DGLUCY: variants seen among roughly 807,000 people sequenced by gnomAD.
DGLUCY encodes D-glutamate cyclase, also known as D-glutamate cyclase, mitochondrial.
In DGLUCY, 58 loss-of-function variants were observed where a neutral mutation model predicts 58.5. The ratio of observed to expected loss-of-function variants is 0.99; its 90% CI spans 0.80 to 1.23. The LOEUF is 1.23. DGLUCY is among the 50% of genes most tolerant of loss of function. The pLI is 0.00. For synonymous variants in DGLUCY, 325 were observed against 314.1 expected, an observed-to-expected ratio of 1.03 and a Z score of -0.37; for missense variants, 779 against 784.7, an observed-to-expected ratio of 0.99 and a Z score of 0.09.
At chr14:91,127,462 C>T (rs1595701583) in intron 1 of DGLUCY, among the ~76,000 whole-genome samples, 2 of 152,270 alleles carry the variant, frequency 1.3e-5, no homozygotes, top group African/African-American at 2.4e-5. Context: ...GCCCCCTCTA[C>T]ACCCCGTTCT....
intron 3 of DGLUCY, among the ~76,000 whole-genome samples, chr14:91,165,589 C>G (rs1213355771): frequency 6.6e-6 from 1 of 152,118 alleles, no homozygotes; most frequent in African/African-American, 2.4e-5. Context: ...ATCTGCCCCC[C>G]AAAAAGATAC....
At chr14:91,173,261 C>T in intron 5 of DGLUCY, 28 bp from the exon 6 acceptor site, 2 of 1,602,726 alleles carry the variant, frequency 1.2e-6, no homozygotes, top group East Asian at 4.5e-5. Context: ...TTAACATTTT[C>T]ACTTGATTTT....
At chr14:91,074,118 T>TACACACACACACACACAC (rs3086753) in intron 1 of DGLUCY, among the ~76,000 whole-genome samples, 80 of 70,322 alleles carry the variant, frequency 1.1e-3, no homozygotes, top group South Asian at 2.8e-3. Context: ...TATATATATA[T>TACACACACACACACACAC]ACACACACAC....
chr14:91,209,049 C>T (rs942984035), intron 12 of DGLUCY, among the ~76,000 whole-genome samples: 3 of 152,140 alleles, frequency 2.0e-5, no homozygotes, highest in Non-Finnish European at 4.4e-5. Context: ...CGCAGTGGCT[C>T]ACACCTGTAA....
At chr14:91,168,167 G>A (rs1261346931) in intron 4 of DGLUCY, among the ~76,000 whole-genome samples, 1 of 152,090 alleles carries the variant, frequency 6.6e-6, no homozygotes, top group East Asian at 1.9e-4. Flanking sequence ...CTACTCGGGA[G>A]GCTGAGGAGG....
intron 1 of DGLUCY, among the ~76,000 whole-genome samples, chr14:91,120,920 T>A (rs1244645253): frequency 6.6e-6 from 1 of 152,184 alleles, no homozygotes; most frequent in Non-Finnish European, 1.5e-5. Context: ...CTCCACCAAG[T>A]GCTGCCTGTT....
intron 9 of DGLUCY, among the ~76,000 whole-genome samples, chr14:91,190,216 T>C (rs960584998): frequency 1.3e-5 from 2 of 151,940 alleles, no homozygotes; most frequent in Admixed American, 6.6e-5. Context: ...CTCGATCTCC[T>C]GACCTCGTGA....
At chr14:91,064,394 G>A (rs955905482) in intron 1 of DGLUCY, among the ~76,000 whole-genome samples, 1 of 152,012 alleles carries the variant, frequency 6.6e-6, no homozygotes, top group Admixed American at 6.6e-5. Context: ...ACTTTGGGAC[G>A]CTGAGATGGG....
In DGLUCY at chr14:91,160,278, T is replaced by C; in HGVS notation, c.-17T>C. 1 of 1,591,700 alleles carries C rather than the reference T, an allele frequency of 6.3e-7. No homozygotes were observed. The highest frequency in any genetic ancestry group is 8.6e-7 in the Non-Finnish European group (1 of 1,159,920). Reference sequence around the variant, plus strand: ...TTCCCTCACCCAGATTCTCTGCTACTTATTCAAGTTGACACGATGCCCTTC... The same window carrying C: ...TTCCCTCACCCAGATTCTCTGCTACCTATTCAAGTTGACACGATGCCCTTC... On this transcript the variant is annotated 5_prime_UTR_variant, in exon 3 of 14. Coordinates refer to ENST00000256324, the MANE Select transcript of DGLUCY (RefSeq NM_001102368.3).
intron 11 of DGLUCY, 105 bp downstream of exon 11, chr14:91,200,010 A>G: frequency 1.4e-6 from 2 of 1,451,528 alleles, no homozygotes; most frequent in East Asian, 2.3e-5. Context: ...GCTGGAGTGC[A>G]GTGGCACGAT....
chr14:91,204,668 C>G (rs1300812817), intron 11 of DGLUCY, 38 bp from the exon 12 acceptor site: 2 of 1,604,636 alleles, frequency 1.2e-6, no homozygotes, highest in Admixed American at 1.7e-5. Context: ...CCATTTTGCC[C>G]TGGTCCCGTG....
intron 1 of DGLUCY, among the ~76,000 whole-genome samples, chr14:91,075,569 C>T (rs1485340749): frequency 6.6e-6 from 1 of 152,172 alleles, no homozygotes; most frequent in Non-Finnish European, 1.5e-5. Context: ...AAAATAAGTG[C>T]GTCCTCCAGG....
intron 1 of DGLUCY, among the ~76,000 whole-genome samples, chr14:91,151,105 C>T (rs1306938813): frequency 6.6e-6 from 1 of 152,230 alleles, no homozygotes; most frequent in African/African-American, 2.4e-5. Context: ...GTTTGCATAA[C>T]GTGCTCAGGG....
At chr14:91,207,754 C>CT (rs944009700) in intron 12 of DGLUCY, among the ~76,000 whole-genome samples, 12 of 97,442 alleles carry the variant, frequency 1.2e-4, no homozygotes, top group East Asian at 2.9e-4. Context: ...TTTCTTTTTT[C>CT]TTTTTTTTTG....
upstream of DGLUCY, among the ~76,000 whole-genome samples, chr14:91,110,279 A>G (rs1029543581): frequency 2.6e-5 from 4 of 152,168 alleles, no homozygotes; most frequent in African/African-American, 9.7e-5. Flanking sequence ...GGCCATACAC[A>G]CAGTTTAACC....
intron 7 of DGLUCY, among the ~76,000 whole-genome samples, chr14:91,180,726 A>G (rs1416940064): frequency 1.3e-5 from 2 of 152,026 alleles, no homozygotes; most frequent in Non-Finnish European, 2.9e-5. Flanking sequence ...AATTAACATA[A>G]ATCAAAGCAA....
At chr14:91,174,109 T>C (rs2048730312) in intron 6 of DGLUCY, among the ~76,000 whole-genome samples, 1 of 152,134 alleles carries the variant, frequency 6.6e-6, no homozygotes, top group East Asian at 1.9e-4. Flanking sequence ...TAATCAATCA[T>C]GCTCATGTAA....
intron 13 of DGLUCY, among the ~76,000 whole-genome samples, chr14:91,221,819 C>T (rs1413151983): frequency 6.6e-6 from 1 of 152,126 alleles, no homozygotes; most frequent in African/African-American, 2.4e-5. Flanking sequence ...TGAATTTTTA[C>T]ATAAGTATAC....
intron 1 of DGLUCY, among the ~76,000 whole-genome samples, chr14:91,123,902 G>T (rs939342807): frequency 3.3e-5 from 5 of 149,860 alleles, no homozygotes; most frequent in Admixed American, 3.3e-4. Context: ...TTTTAACAGC[G>T]CATCTTTTGG....
Sources: gnomAD v4.1 joint callset for allele counts (sites outside exome capture counted in the v4.1 genomes callset) on GRCh38, gnomAD v4.1.1 for gene constraint, MANE v1.5 for transcripts, NCBI Gene and HGNC (gene_info 2026-07-23, HGNC 2026-07-21) for gene names.